The following GADL1 variants were observed in gnomAD, a reference collection of about 807,000 sequenced individuals.
GADL1 encodes the protein GAD like acidic amino acid decarboxylase 1, also known as acidic amino acid decarboxylase GADL1.
A neutral mutation model predicts 69.5 loss-of-function variants in GADL1; 71 were observed. The ratio of observed to expected loss-of-function variants is 1.02; its 90% CI spans 0.84 to 1.25. The LOEUF is 1.25. Among genes scored for constraint, GADL1 ranks in the 50% most tolerant of loss-of-function variants. GADL1 has a pLI of 0.00. For synonymous variants in GADL1, 254 were observed against 214.4 expected (o/e 1.18, Z -1.62); for missense variants, 737 against 631.8 (o/e 1.17, Z -1.79).
intron 14 of GADL1, among the ~76,000 whole-genome samples, chr3:30,763,731 TGA>T (rs927731821): frequency 1.3e-5 from 2 of 152,128 alleles, no homozygotes; most frequent in African/African-American, 4.8e-5. Flanking sequence ...ATTGTAAAGT[TGA>T]AAAATCCTTA....
intron 11 of GADL1, among the ~76,000 whole-genome samples, 187 bp from the exon 12 acceptor site, chr3:30,801,275 C>A (rs990847151): frequency 6.6e-6 from 1 of 152,028 alleles, no homozygotes; most frequent in Non-Finnish European, 1.5e-5. Flanking sequence ...ATGGTGTTAC[C>A]AAACAAAACT....
At chr3:30,849,613 C>A (rs1406930193) in intron 6 of GADL1, among the ~76,000 whole-genome samples, 1 of 151,884 alleles carries the variant, frequency 6.6e-6, no homozygotes, top group East Asian at 1.9e-4. Context: ...ATACACATCC[C>A]TTATATTAGC....
intron 12 of GADL1, among the ~76,000 whole-genome samples, chr3:30,787,346 C>CT (rs1296873464): frequency 2.0e-5 from 3 of 152,100 alleles, no homozygotes; most frequent in Admixed American, 6.6e-5. Context: ...TGAGAAAAGA[C>CT]TAAAACAACA....
chr3:30,882,755 G>C (rs1698659393), intron 1 of GADL1, among the ~76,000 whole-genome samples: 1 of 151,734 alleles, frequency 6.6e-6, no homozygotes, highest in Admixed American at 6.6e-5. Context: ...TTACATAGCA[G>C]TTACACCATT....
intron 14 of GADL1, among the ~76,000 whole-genome samples, chr3:30,768,460 T>A (rs1696337203): frequency 6.6e-6 from 1 of 151,746 alleles, no homozygotes; most frequent in Non-Finnish European, 1.5e-5. Flanking sequence ...AAATTGTCAT[T>A]TATTTCATTG....
intron 14 of GADL1, among the ~76,000 whole-genome samples, chr3:30,759,263 A>C (rs795447): frequency 0.43 from 65,096 of 151,698 alleles, 13,990 homozygotes; most frequent in Non-Finnish European, 0.44. Context: ...ATCTTTAATT[A>C]TCTATAAATC....
At chr3:30,745,414 C>T (rs561667931) in intron 14 of GADL1, among the ~76,000 whole-genome samples, 10 of 152,214 alleles carry the variant, frequency 6.6e-5, no homozygotes, top group East Asian at 1.9e-4. Flanking sequence ...ATTTTTATTG[C>T]GGGGGTACAT....
intron 14 of GADL1, among the ~76,000 whole-genome samples, chr3:30,773,982 C>G (rs1197254576): frequency 6.6e-6 from 1 of 152,082 alleles, no homozygotes; most frequent in African/African-American, 2.4e-5. Context: ...TACCCAATTT[C>G]CAGTGTTTCC....
At chr3:30,821,091 A>G (rs189763778) in intron 11 of GADL1, among the ~76,000 whole-genome samples, 154 of 152,118 alleles carry the variant, frequency 1.0e-3, no homozygotes, top group Non-Finnish European at 2.0e-3. Flanking sequence ...ACCAAACACC[A>G]CATGTTCCCA....
At chr3:30,871,212 TACTG>T (rs1698477605) in intron 1 of GADL1, among the ~76,000 whole-genome samples, 2 of 151,634 alleles carry the variant, frequency 1.3e-5, no homozygotes, top group South Asian at 2.1e-4. Flanking sequence ...AGCTGTTACT[TACTG>T]AGTGGGCAAT....
chr3:30,839,571 T>C (rs1382141192), intron 8 of GADL1, among the ~76,000 whole-genome samples: 2 of 144,634 alleles, frequency 1.4e-5, no homozygotes, highest in Non-Finnish European at 3.0e-5. Flanking sequence ...CAGGCCTGTT[T>C]GCTCATCTCC....
At chr3:30,809,775 CA>C (rs1697319115) in intron 11 of GADL1, among the ~76,000 whole-genome samples, 1 of 152,134 alleles carries the variant, frequency 6.6e-6, no homozygotes, top group Non-Finnish European at 1.5e-5. Flanking sequence ...GGATTTATTA[CA>C]AGTATATATT....
chr3:30,892,321 A>C lies in GADL1; in HGVS notation c.37+2257T>G, dbSNP rs867940402. ...AATTTAAGACAAGATATCATTTAACATACGAATTCAATGTTACCTTCAGGA... is the reference window on the plus strand; with the variant it reads ...AATTTAAGACAAGATATCATTTAACCTACGAATTCAATGTTACCTTCAGGA... On this transcript the variant is annotated intron_variant, in intron 1 of 14. Transcript: ENST00000282538. Among the ~76,000 whole-genome samples the C allele has an allele frequency of 5.9e-5, 9 of 152,358 alleles. No homozygotes were observed. In the South Asian group the frequency reaches 8.3e-4, roughly 14 times the overall value.
intron 11 of GADL1, among the ~76,000 whole-genome samples, chr3:30,825,521 T>C (rs1172001505): frequency 6.6e-6 from 1 of 151,928 alleles, no homozygotes; most frequent in Non-Finnish European, 1.5e-5. Context: ...AATTATCAGG[T>C]ATGTTTTAAG....
At chr3:30,870,324 C>A (rs763010101) in intron 1 of GADL1, among the ~76,000 whole-genome samples, 2 of 151,552 alleles carry the variant, frequency 1.3e-5, no homozygotes, top group Non-Finnish European at 2.9e-5. Flanking sequence ...GAGAGCCAGA[C>A]ACGAAAGATA....
intron 14 of GADL1, among the ~76,000 whole-genome samples, chr3:30,766,400 C>T (rs1031960915): frequency 6.6e-6 from 1 of 152,166 alleles, no homozygotes; most frequent in Non-Finnish European, 1.5e-5. Flanking sequence ...CTGTGGCCAT[C>T]TTGAAATTTT....
intron 14 of GADL1, among the ~76,000 whole-genome samples, chr3:30,751,810 C>T (rs946518042): frequency 1.3e-5 from 2 of 152,222 alleles, no homozygotes; most frequent in African/African-American, 4.8e-5. Context: ...GAGGAAAGTC[C>T]CTTGGAAAGC....
intron 4 of GADL1, among the ~76,000 whole-genome samples, chr3:30,851,163 C>T (rs1009785520): frequency 6.6e-6 from 1 of 152,170 alleles, no homozygotes; most frequent in African/African-American, 2.4e-5. Context: ...CTGCAAGTTG[C>T]TGCAGCAGTC....
intron 10 of GADL1, 65 bp downstream of exon 10, chr3:30,834,152 C>T: frequency 8.0e-7 from 1 of 1,253,326 alleles, no homozygotes; most frequent in Non-Finnish European, 1.2e-6. Flanking sequence ...TTCAAAATAT[C>T]ACTTAGTCCA....
Sources: gnomAD v4.1 joint callset for allele counts (sites outside exome capture counted in the v4.1 genomes callset) on GRCh38, gnomAD v4.1.1 for gene constraint, MANE v1.5 for transcripts, NCBI Gene and HGNC (gene_info 2026-07-23, HGNC 2026-07-21) for gene names.